RCAN1: variants seen among roughly 807,000 people sequenced by gnomAD.
RCAN1 encodes regulator of calcineurin 1.
In RCAN1, 11 loss-of-function variants were observed where a neutral mutation model predicts 22.9. The ratio of observed to expected loss-of-function variants is 0.48; its 90% confidence interval spans 0.30 to 0.79. The LOEUF is 0.79. Among genes scored for constraint, RCAN1 ranks in the 30% least tolerant of loss-of-function variants. RCAN1 has a pLI of 0.06. For synonymous variants in RCAN1, 136 were observed against 142.3 expected, an observed-to-expected ratio of 0.96 and a Z score of 0.32; for missense variants, 291 against 337.8, an observed-to-expected ratio of 0.86 and a Z score of 1.09.
chr21:34,521,601 T>C lies in RCAN1; in HGVS notation c.484A>G (p.Ile162Val), dbSNP rs751378334. 6.2e-7 allele frequency: 1 copy of C among 1,613,912 alleles called. No homozygotes were observed. Among genetic ancestry groups the C allele is most frequent in the African/African-American group, 1.3e-5 (1 of 74,910 alleles). ...ACTGGCGGAGAGGCGGGAGGGGAGATCAGAAACTGCTTGTCTGGATTTGGC... is the reference window on the plus strand; with the variant it reads ...ACTGGCGGAGAGGCGGGAGGGGAGACCAGAAACTGCTTGTCTGGATTTGGC... ...APPNPDKQFL[I>V]SPPASPPVGW... The change falls in exon 3 of 4, where the codon ATC becomes GTC. Residue 162 changes from isoleucine to valine, a missense_variant. Physicochemically the swap from Ile to Val is conservative, Grantham distance 29 (BLOSUM62 3). Coordinates refer to ENST00000313806, the MANE Select transcript of RCAN1 (RefSeq NM_004414.7).
intron 1 of RCAN1, among the ~76,000 whole-genome samples, chr21:34,611,118 T>C (rs923862704): frequency 2.0e-5 from 3 of 152,224 alleles, no homozygotes; most frequent in African/African-American, 7.2e-5. Context: ...CCTGGTCAGC[T>C]TGATGATGAC....
intron 1 of RCAN1, among the ~76,000 whole-genome samples, chr21:34,594,319 C>T (rs75567472): frequency 0.068 from 10,294 of 152,092 alleles, 441 homozygotes; most frequent in East Asian, 0.15. Flanking sequence ...TCTGGGAGGC[C>T]GAAGTGGGTG....
chr21:34,519,319 G>T (rs1984296331), intron 3 of RCAN1, among the ~76,000 whole-genome samples: 1 of 152,048 alleles, frequency 6.6e-6, no homozygotes, highest in African/African-American at 2.4e-5. Context: ...ACAGGGTGTG[G>T]CCTCATGGTC....
At chr21:34,532,169 G>A (rs148259505) in intron 1 of RCAN1, among the ~76,000 whole-genome samples, 1 of 152,184 alleles carries the variant, frequency 6.6e-6, no homozygotes, top group African/African-American at 2.4e-5. Context: ...AGACAGGCCC[G>A]GGTGATCAGA....
intron 1 of RCAN1, among the ~76,000 whole-genome samples, chr21:34,551,211 A>G (rs747501940): frequency 8.5e-5 from 13 of 152,176 alleles, no homozygotes; most frequent in Non-Finnish European, 1.3e-4. Flanking sequence ...AATAGTAACT[A>G]TTTTTAATCT....
chr21:34,556,069 T>A (rs1337260821), intron 1 of RCAN1, among the ~76,000 whole-genome samples: 82 of 29,014 alleles, frequency 2.8e-3, no homozygotes, highest in African/African-American at 0.014. Context: ...TTTCAAAAAA[T>A]AAATAAATAA....
intron 1 of RCAN1, among the ~76,000 whole-genome samples, chr21:34,540,756 G>A (rs1985877231): frequency 6.6e-6 from 1 of 152,136 alleles, no homozygotes. Flanking sequence ...GGAGGCCGAG[G>A]TGGGCAGATC....
Position 34,614,876 on chromosome 21 carries a change from C to G in RCAN1, c.136G>C (p.Gly46Arg). 1 of 1,454,126 alleles carries G rather than the reference C, an allele frequency of 6.9e-7. No individual in the cohort carries two copies. Among genetic ancestry groups the G allele is most frequent in the Non-Finnish European group, 9.1e-7 (1 of 1,099,062 alleles). 90.1% of individuals were successfully genotyped at this position (1,454,126 alleles called of 1,614,324 possible). A position where few individuals can be genotyped will look rare whatever the true frequency, so the allele number is the denominator to read the frequency against. ...LSGAAEADEG[G>R]GDWSFIDCEM... ...CAGTCAATGAAGCTCCAGTCGCCGCCGCCCTCGTCCGCCTCGGCCGCCCCC... is the reference window on the plus strand; with the variant it reads ...CAGTCAATGAAGCTCCAGTCGCCGCGGCCCTCGTCCGCCTCGGCCGCCCCC... The change falls in exon 1 of 4, where the codon GGC becomes CGC. Residue 46 changes from glycine (G) to arginine (R), a missense_variant. Transcript: ENST00000313806. The surrounding 1 kb of genome is among the most constrained non-coding windows in gnomAD (Gnocchi z 6.0).
intron 1 of RCAN1, among the ~76,000 whole-genome samples, chr21:34,585,665 C>A (rs1262257276): frequency 2.0e-5 from 3 of 150,090 alleles, no homozygotes; most frequent in South Asian, 2.1e-4. Flanking sequence ...ATGGTGTGAA[C>A]CCAGGAGGCG....
intron 2 of RCAN1, 77 bp from the exon 3 acceptor site, chr21:34,521,735 T>G: frequency 8.1e-7 from 1 of 1,240,960 alleles, no homozygotes; most frequent in Non-Finnish European, 1.1e-6. Flanking sequence ...TAACGCCAGT[T>G]CCGGGAGATG....
At chr21:34,613,959 T>C (rs1365226476) in intron 1 of RCAN1, 19 of 909,548 alleles carry the variant, frequency 2.1e-5, no homozygotes, top group Non-Finnish European at 1.2e-5. Flanking sequence ...GCCCACGTTG[T>C]CCACATTTTA....
intron 1 of RCAN1, among the ~76,000 whole-genome samples, chr21:34,536,062 C>T (rs188355081): frequency 1.7e-4 from 26 of 152,222 alleles, no homozygotes; most frequent in Non-Finnish European, 2.6e-4. Context: ...TCCATTAACT[C>T]TTATTCCGTA....
intron 1 of RCAN1, among the ~76,000 whole-genome samples, chr21:34,574,605 G>C (rs77893020): frequency 0.013 from 2,033 of 152,308 alleles, 47 homozygotes; most frequent in East Asian, 0.093. Flanking sequence ...ACAAGAACTT[G>C]AGGATCTGAT....
intron 1 of RCAN1, among the ~76,000 whole-genome samples, chr21:34,585,431 A>T (rs1297318838): frequency 6.6e-6 from 1 of 152,220 alleles, no homozygotes; most frequent in Non-Finnish European, 1.5e-5. Flanking sequence ...AGAGGGGGAA[A>T]ATGAAACAAT....
chr21:34,520,646 C>T (rs934452781), intron 3 of RCAN1, among the ~76,000 whole-genome samples: 3 of 152,282 alleles, frequency 2.0e-5, no homozygotes, highest in East Asian at 3.9e-4. Context: ...ACTTGCTCCA[C>T]GGACAGAGCA....
chr21:34,608,623 G>T (rs1455140146), intron 1 of RCAN1, among the ~76,000 whole-genome samples: 2 of 152,210 alleles, frequency 1.3e-5, no homozygotes, highest in Non-Finnish European at 2.9e-5. Flanking sequence ...CTCTGAGGCA[G>T]GGGCACCAGG....
At chr21:34,533,120 C>A (rs1985499891) in intron 1 of RCAN1, among the ~76,000 whole-genome samples, 1 of 151,694 alleles carries the variant, frequency 6.6e-6, no homozygotes, top group Non-Finnish European at 1.5e-5. Context: ...GCCACCACGC[C>A]CGGCTAATTT....
chr21:34,552,457 C>T lies in RCAN1; in HGVS notation c.253-28747G>A, dbSNP rs143719434. ...TAAGTTGGGTTAACTTCCAGACCAACAATTCTCCATAGGAACCCTGCCAGG... is the reference window on the plus strand; with the variant it reads ...TAAGTTGGGTTAACTTCCAGACCAATAATTCTCCATAGGAACCCTGCCAGG... On this transcript the variant is annotated intron_variant, in intron 1 of 3. Transcript: ENST00000313806. Among the ~76,000 whole-genome samples the T allele has an allele frequency of 9.2e-5, 14 of 152,296 alleles. 1 individual carries two copies. The highest frequency in any genetic ancestry group is 3.4e-4 in the African/African-American group (14 of 41,572).
intron 1 of RCAN1, chr21:34,526,707 C>G (rs747989858): frequency 6.2e-7 from 1 of 1,613,750 alleles, no homozygotes; most frequent in South Asian, 1.1e-5. Flanking sequence ...GCCACACAGG[C>G]AATCAGGGAG....
Sources: gnomAD v4.1 joint callset for allele counts (sites outside exome capture counted in the v4.1 genomes callset) on GRCh38, gnomAD v4.1.1 for gene constraint, Gnocchi (gnomAD v3.1) non-coding constraint, MANE v1.5 for transcripts, NCBI Gene and HGNC (gene_info 2026-07-23, HGNC 2026-07-21) for gene names.